IQSEC1: variants seen among roughly 807,000 people sequenced by gnomAD.
IQSEC1 encodes the protein IQ motif and SEC7 domain-containing protein 1.
IQSEC1 carries 31 observed loss-of-function variants against 91.0 expected under a neutral mutation model. That is an observed-to-expected ratio of 0.34 (90% CI 0.26 to 0.46). The LOEUF (loss-of-function observed/expected upper bound fraction) is 0.46. Ranked by LOEUF, IQSEC1 falls within the 20% of genes least tolerant of loss-of-function variation. The probability of loss-of-function intolerance (pLI) is 1.00; values close to 1 mark genes in which losing one functional copy is unlikely to be tolerated. For synonymous variants in IQSEC1, 699 were observed against 662.6 expected, an observed-to-expected ratio of 1.05 and a Z score of -0.84; for missense variants, 1,388 against 1,575.6, an observed-to-expected ratio of 0.88 and a Z score of 2.02.
intron 12 of IQSEC1, among the ~76,000 whole-genome samples, chr3:12,905,475 T>C (rs1235150991): frequency 6.6e-6 from 1 of 152,250 alleles, no homozygotes; most frequent in Non-Finnish European, 1.5e-5. Flanking sequence ...CTGAAAGGCT[T>C]TCCATGCATC....
intron 1 of IQSEC1, among the ~76,000 whole-genome samples, chr3:12,963,743 T>C (rs1049374597): frequency 2.0e-5 from 3 of 152,220 alleles, no homozygotes; most frequent in Non-Finnish European, 4.4e-5. Flanking sequence ...TGATGTACCA[T>C]TTCACACTAC....
At position 12,899,728 on chromosome 3, in the gene IQSEC1, C is replaced by T. The variant is rs914155316; in HGVS notation, c.*1255G>A. The T allele has an allele frequency of 4.1e-5, 40 of 985,422 alleles. No individual in the cohort carries two copies. Among genetic ancestry groups the T allele is most frequent in the African/African-American group, 2.4e-4 (14 of 57,340 alleles). 61.0% of individuals were successfully genotyped at this position (985,422 alleles called of 1,614,324 possible). Reference sequence around the variant, plus strand: ...AAAACAAAACGGGAAACACACACACCGCCCTGGGTTGCTAAACGCTAAAGT... The same window carrying T: ...AAAACAAAACGGGAAACACACACACTGCCCTGGGTTGCTAAACGCTAAAGT... On this transcript the variant is annotated 3_prime_UTR_variant, in exon 14 of 14. Transcript: ENST00000613206.
intron 10 of IQSEC1, among the ~76,000 whole-genome samples, chr3:12,911,139 T>A (rs1695516960): frequency 6.6e-6 from 1 of 152,134 alleles, no homozygotes; most frequent in South Asian, 2.1e-4. Context: ...TGGCAGGCAC[T>A]ACCTTACAAC....
At chr3:13,167,030 C>T (rs1382762662) in intron 1 of IQSEC1, among the ~76,000 whole-genome samples, 4 of 152,134 alleles carry the variant, frequency 2.6e-5, no homozygotes. Flanking sequence ...CATGTGCAAA[C>T]ATGTGTGCAT....
intron 1 of IQSEC1, among the ~76,000 whole-genome samples, chr3:13,219,274 G>A (rs1694609904): frequency 6.6e-6 from 1 of 152,160 alleles, no homozygotes; most frequent in East Asian, 1.9e-4. Context: ...AAGTTCACTG[G>A]TAAGAGGAAG....
intron 1 of IQSEC1, among the ~76,000 whole-genome samples, chr3:13,049,965 T>C (rs1225002345): frequency 6.6e-6 from 1 of 152,088 alleles, no homozygotes; most frequent in African/African-American, 2.4e-5. Flanking sequence ...CAATGTGCCC[T>C]TGCAGGCCTG....
At chr3:12,929,322 C>T (rs1036726799) in intron 3 of IQSEC1, among the ~76,000 whole-genome samples, 9 of 152,194 alleles carry the variant, frequency 5.9e-5, no homozygotes, top group African/African-American at 2.2e-4. Context: ...AAGAACTCAC[C>T]CGGGGTGATG....
chr3:13,005,514 C>T (rs1341193012), intron 1 of IQSEC1, among the ~76,000 whole-genome samples: 1 of 152,156 alleles, frequency 6.6e-6, no homozygotes, highest in Non-Finnish European at 1.5e-5. Context: ...ACCACGGAGG[C>T]AGGCAGGCAG....
intron 1 of IQSEC1, among the ~76,000 whole-genome samples, chr3:13,224,084 G>A (rs2125079102): frequency 6.6e-6 from 1 of 152,244 alleles, no homozygotes; most frequent in African/African-American, 2.4e-5. Flanking sequence ...CAATGAGGAG[G>A]CCAACCTCGG....
chr3:12,907,985 A>C (rs1695160695), intron 12 of IQSEC1, among the ~76,000 whole-genome samples: 1 of 152,198 alleles, frequency 6.6e-6, no homozygotes, highest in Non-Finnish European at 1.5e-5. Context: ...CATGAAGCAC[A>C]GGGACGCGGC....
intron 2 of IQSEC1, among the ~76,000 whole-genome samples, chr3:13,144,471 T>A (rs1453436991): frequency 6.6e-6 from 1 of 152,190 alleles, no homozygotes; most frequent in Non-Finnish European, 1.5e-5. Context: ...CCCACGCCTG[T>A]CCTGCCTTTC....
At chr3:13,205,468 T>A (rs893825612) in intron 1 of IQSEC1, among the ~76,000 whole-genome samples, 4 of 151,630 alleles carry the variant, frequency 2.6e-5, no homozygotes, top group African/African-American at 9.7e-5. Flanking sequence ...TCCTTCCTTC[T>A]CTCCCTCCAT....
intron 1 of IQSEC1, among the ~76,000 whole-genome samples, chr3:12,977,371 A>T (rs1480017459): frequency 6.7e-6 from 1 of 150,314 alleles, no homozygotes. Flanking sequence ...AAAAAGCGCT[A>T]TCCCGTTGGC....
intron 1 of IQSEC1, among the ~76,000 whole-genome samples, chr3:13,007,037 A>G (rs1364108319): frequency 1.3e-5 from 2 of 152,246 alleles, no homozygotes; most frequent in Non-Finnish European, 2.9e-5. Context: ...ACTTGTCCAA[A>G]GTCGGTTTTG....
intron 1 of IQSEC1, among the ~76,000 whole-genome samples, chr3:13,184,137 G>A (rs1289056664): frequency 6.6e-6 from 1 of 152,188 alleles, no homozygotes; most frequent in Non-Finnish European, 1.5e-5. Context: ...AATATGAAGG[G>A]AGGAGTCACT....
rs542842787 is a variant in IQSEC1, at chr3:13,224,378, A to G, written c.272+58333T>C. ...AGAATGACTTCTGCCTTGGGGATCA[A>G]TGTGGGCATCACTGGTCTCCTAGTT... is the stretch of plus-strand genomic sequence containing the variant. On this transcript the variant is annotated intron_variant, in intron 1 of 15. Transcript: ENST00000648114. Among the ~76,000 whole-genome samples, 4 of 152,142 alleles carry G rather than the reference A, an allele frequency of 2.6e-5. No homozygotes were observed. In the South Asian group the frequency reaches 8.3e-4, roughly 32 times the overall value.
intron 1 of IQSEC1, among the ~76,000 whole-genome samples, chr3:13,178,543 G>T (rs1693779680): frequency 6.6e-6 from 1 of 152,210 alleles, no homozygotes; most frequent in Admixed American, 6.5e-5. Context: ...CCCTCTTCTG[G>T]GTTGCACCCT....
intron 1 of IQSEC1, among the ~76,000 whole-genome samples, chr3:13,056,903 C>T (rs1157080410): frequency 6.6e-6 from 1 of 152,168 alleles, no homozygotes; most frequent in Admixed American, 6.5e-5. Flanking sequence ...AGGTCTCCCT[C>T]CTAAATGTTC....
At chr3:12,938,810 C>T (rs1358115182) in intron 2 of IQSEC1, among the ~76,000 whole-genome samples, 1 of 152,162 alleles carries the variant, frequency 6.6e-6, no homozygotes, top group Non-Finnish European at 1.5e-5. Context: ...TTTCCTGAGA[C>T]CTCCTGCCCA....
Sources: gnomAD v4.1 joint callset for allele counts (sites outside exome capture counted in the v4.1 genomes callset) on GRCh38, gnomAD v4.1.1 for gene constraint, MANE v1.5 for transcripts, NCBI Gene and HGNC (gene_info 2026-07-23, HGNC 2026-07-21) for gene names.